STON2: variants seen among roughly 807,000 people sequenced by gnomAD.
The protein encoded by STON2 is stonin 2, also known as stonin-2.
Under a neutral mutation model 65.7 loss-of-function variants are expected in STON2, and 29 were observed. The ratio of observed to expected loss-of-function variants is 0.44; its 90% CI spans 0.33 to 0.60. STON2 has a LOEUF of 0.60. STON2 is among the 20% of genes least tolerant of loss of function. STON2 has a pLI of 0.03. For missense variants in STON2, 1,054 were observed against 1,118.1 expected, an observed-to-expected ratio of 0.94 and a Z score of 0.82; for synonymous variants, 404 against 414.2, an observed-to-expected ratio of 0.98 and a Z score of 0.30.
intron 4 of STON2, among the ~76,000 whole-genome samples, chr14:81,362,184 A>G (rs75419083): frequency 0.023 from 3,459 of 152,316 alleles, 147 homozygotes; most frequent in African/African-American, 0.08. Flanking sequence ...CTGCATGCCC[A>G]TGTTCACTAC....
chr14:81,317,870 CAG>C (rs1369846253), intron 5 of STON2, among the ~76,000 whole-genome samples: 3 of 152,142 alleles, frequency 2.0e-5, no homozygotes, highest in Admixed American at 6.5e-5. Context: ...GGAATGGAAA[CAG>C]AGGCATTCTA....
intron 4 of STON2, among the ~76,000 whole-genome samples, chr14:81,347,058 G>T (rs1463275613): frequency 1.3e-5 from 2 of 151,610 alleles, no homozygotes; most frequent in East Asian, 3.9e-4. Context: ...AATAAGAAAA[G>T]ATTAGAGCAT....
At chr14:81,325,287 T>C (rs988754271) in intron 4 of STON2, among the ~76,000 whole-genome samples, 1 of 152,240 alleles carries the variant, frequency 6.6e-6, no homozygotes, top group Non-Finnish European at 1.5e-5. Flanking sequence ...TATAGGTTTC[T>C]CTACCGTAGC....
chr14:81,408,304 A>C (rs1900976043), intron 2 of STON2, among the ~76,000 whole-genome samples: 2 of 152,212 alleles, frequency 1.3e-5, no homozygotes, highest in Non-Finnish European at 2.9e-5. Context: ...AAAAAACAAA[A>C]GGAGACCACC....
intron 5 of STON2, among the ~76,000 whole-genome samples, chr14:81,310,489 G>A (rs1395914688): frequency 6.6e-6 from 1 of 152,192 alleles, no homozygotes; most frequent in Non-Finnish European, 1.5e-5. Flanking sequence ...ACATGTGAGT[G>A]GCTGGCAGCA....
intron 5 of STON2, 139 bp from the exon 6 acceptor site, chr14:81,278,878 T>A: frequency 1.6e-6 from 1 of 630,110 alleles, no homozygotes; most frequent in Non-Finnish European, 2.5e-6. Context: ...CTGTTTCAAG[T>A]GCTTAGTCTG....
chr14:81,305,132 A>G (rs1437702563), intron 5 of STON2, among the ~76,000 whole-genome samples: 5 of 152,240 alleles, frequency 3.3e-5, no homozygotes, highest in Non-Finnish European at 7.3e-5. Context: ...GCATTTCTGC[A>G]TCGTATTCAA....
At chr14:81,376,070 G>A (rs994494432) in intron 3 of STON2, among the ~76,000 whole-genome samples, 1 of 151,824 alleles carries the variant, frequency 6.6e-6, no homozygotes, top group African/African-American at 2.4e-5. Context: ...TATGTAAGCA[G>A]TATTGTCAGC....
chr14:81,375,133 G>A (rs1200556378), intron 3 of STON2, among the ~76,000 whole-genome samples: 1 of 151,588 alleles, frequency 6.6e-6, no homozygotes, highest in African/African-American at 2.4e-5. Flanking sequence ...TCACAGAACA[G>A]GGAAAAAATA....
rs1452221931 is a variant in STON2 at position 81,413,085 on chromosome 14, T to C, written c.-199+14017A>G. On this transcript the variant is annotated intron_variant, in intron 2 of 8. Transcript: ENST00000553821. ...AAATACAACAAAGAGAGGAACACTG[T>C]GGCTCATATCAAGAAGGAATGTGAC... is the stretch of plus-strand genomic sequence containing the variant. The C allele has an allele frequency of 6.5e-6, 7 of 1,077,446 alleles. 2 individuals are homozygous for C. Among genetic ancestry groups the C allele is most frequent in the African/African-American group, 3.8e-5 (2 of 52,638 alleles). 66.7% of individuals were successfully genotyped at this position (1,077,446 alleles called of 1,614,324 possible).
rs371177872 is a variant in STON2, at chr14:81,382,151, G to A, written c.374-10966C>T. ...GGAGAATCGCTTGAATCCGGGAGGCGGACGTTGTAGTGAGCTGAGATCGTG... is the reference window on the plus strand; with the variant it reads ...GGAGAATCGCTTGAATCCGGGAGGCAGACGTTGTAGTGAGCTGAGATCGTG... On this transcript the variant is annotated intron_variant, in intron 3 of 7. Coordinates refer to ENST00000614646, the MANE Select transcript of STON2 (RefSeq NM_001394390.1). Among the ~76,000 whole-genome samples the A allele has an allele frequency of 9.2e-5, 14 of 152,072 alleles. No homozygotes were observed. In the South Asian group the frequency reaches 2.3e-3, roughly 25 times the overall value.
Position 81,273,229 on chromosome 14 carries a change from G to T in STON2, c.2582-2357C>A, listed in dbSNP as rs533557087. Among the ~76,000 whole-genome samples the T allele has an allele frequency of 3.9e-5, 6 of 152,340 alleles. No individual in the cohort carries two copies. The South Asian group carries it at 1.2e-3, about 32-fold the overall frequency. On this transcript the variant is annotated intron_variant, in intron 6 of 7. Coordinates refer to ENST00000614646, the MANE Select transcript of STON2 (RefSeq NM_001394390.1). ...ACTAGAATTCTAGCATCGACTCTCA[G>T]ATGGGTAAGGGTGGTGGACAGTTAA...
At chr14:81,346,054 A>G (rs1438893930) in intron 4 of STON2, among the ~76,000 whole-genome samples, 1 of 152,204 alleles carries the variant, frequency 6.6e-6, no homozygotes, top group Non-Finnish European at 1.5e-5. Context: ...ATTCTATCAG[A>G]GAAAGCTGCT....
intron 7 of STON2, 107 bp downstream of exon 7, chr14:81,270,563 G>C: frequency 6.2e-7 from 1 of 1,602,584 alleles, no homozygotes; most frequent in East Asian, 2.2e-5. Context: ...GGCAGTAAGA[G>C]GTTACCAGGC....
At chr14:81,393,774 T>C (rs533725467) in intron 3 of STON2, among the ~76,000 whole-genome samples, 1 of 152,238 alleles carries the variant, frequency 6.6e-6, no homozygotes, top group Non-Finnish European at 1.5e-5. Context: ...TTTCCCTACA[T>C]GCATCAACAC....
In STON2 at chr14:81,266,573, G is replaced by C; in HGVS notation, c.*1841C>G. On this transcript the variant is annotated 3_prime_UTR_variant, in exon 8 of 8. Transcript: ENST00000614646. ...CTATGGACACAATCAACTTATTAAT[G>C]TCTCTCTTAAAATATGATACCCATA... 1 of 695,996 alleles carries C rather than the reference G, an allele frequency of 1.4e-6. No individual in the cohort carries two copies. The highest frequency in any genetic ancestry group is 6.4e-5 in the South Asian group (1 of 15,700). 43.1% of individuals were successfully genotyped at this position (695,996 alleles called of 1,614,324 possible).
rs1175308701 is a variant in STON2, at chr14:81,278,670, G to A, written c.812C>T (p.Pro271Leu). ...MEAISWQASS[P>L]AMNGHPAPPV... ...AGGGGCAGGGTGCCCATTCATGGCT[G>A]GACTGCTGGCCTGCCAGCTGATGGC... The change falls in exon 6 of 8, where the codon CCA becomes CTA. Residue 271 changes from proline to leucine, a missense_variant. Transcript: ENST00000614646. The A allele has an allele frequency of 6.5e-7, 1 of 1,535,744 alleles. No homozygotes were observed. Among genetic ancestry groups the A allele is most frequent in the Admixed American group, 2.1e-5 (1 of 48,066 alleles).
intron 4 of STON2, among the ~76,000 whole-genome samples, chr14:81,340,011 G>A (rs993175742): frequency 3.9e-5 from 6 of 152,130 alleles, no homozygotes; most frequent in African/African-American, 7.2e-5. Flanking sequence ...AAAATTAGCC[G>A]GGCGTGGTGG....
intron 5 of STON2, among the ~76,000 whole-genome samples, chr14:81,295,586 C>T (rs766489945): frequency 2.4e-4 from 37 of 152,170 alleles, no homozygotes; most frequent in Non-Finnish European, 3.5e-4. Context: ...ATTCTTGCAC[C>T]TTTATATGTC....
Sources: gnomAD v4.1 joint callset for allele counts (sites outside exome capture counted in the v4.1 genomes callset) on GRCh38, gnomAD v4.1.1 for gene constraint, MANE v1.5 for transcripts, NCBI Gene and HGNC (gene_info 2026-07-23, HGNC 2026-07-21) for gene names.